The following LARGE1 variants were observed in gnomAD, a reference collection of about 807,000 sequenced individuals.
LARGE1 encodes the protein xylosyl- and glucuronyltransferase LARGE1.
LARGE1 carries 43 observed loss-of-function variants against 87.6 expected under a neutral mutation model. That is an observed-to-expected ratio of 0.49 (90% CI 0.38 to 0.63). The LOEUF (loss-of-function observed/expected upper bound fraction) is 0.63, where lower values mean the gene tolerates loss of function less well. Among genes scored for constraint, LARGE1 ranks in the 30% least tolerant of loss-of-function variants. The probability of loss-of-function intolerance (pLI) is 0.00; values close to 1 mark genes in which losing one functional copy is unlikely to be tolerated. For missense variants in LARGE1, 802 were observed against 1,000.2 expected, an observed-to-expected ratio of 0.80 and a Z score of 2.67; for synonymous variants, 434 against 394.6, an observed-to-expected ratio of 1.10 and a Z score of -1.18.
intron 1 of LARGE1, among the ~76,000 whole-genome samples, chr22:33,896,480 C>G (rs1419162982): frequency 6.6e-6 from 1 of 152,228 alleles, no homozygotes; most frequent in African/African-American, 2.4e-5. Flanking sequence ...GTACCAGGGG[C>G]ACATTTGAGG....
intron 6 of LARGE1, among the ~76,000 whole-genome samples, chr22:33,555,419 G>C (rs1361911150): frequency 1.3e-5 from 2 of 152,052 alleles, no homozygotes; most frequent in African/African-American, 4.8e-5. Context: ...AAAAAAATAT[G>C]AAAGAGCAGT....
chr22:33,666,456 G>A (rs148418432), intron 2 of LARGE1, among the ~76,000 whole-genome samples: 4 of 152,304 alleles, frequency 2.6e-5, no homozygotes, highest in South Asian at 2.1e-4. Flanking sequence ...GAGAGCTACC[G>A]CAGAGAGTGC....
chr22:33,176,866 A>T (rs2146152542), intron 11 of LARGE1, among the ~76,000 whole-genome samples: 1 of 152,328 alleles, frequency 6.6e-6, no homozygotes. Context: ...ATGTATGTTT[A>T]TTGTGGCACT....
intron 2 of LARGE1, among the ~76,000 whole-genome samples, chr22:33,706,082 AAAG>A (rs1348740324): frequency 1.3e-5 from 2 of 152,176 alleles, no homozygotes; most frequent in African/African-American, 2.4e-5. Flanking sequence ...GGGCGACAAG[AAAG>A]AAGGTTTCTA....
intron 13 of LARGE1, among the ~76,000 whole-genome samples, chr22:33,281,241 T>C (rs1024189070): frequency 6.6e-6 from 1 of 152,036 alleles, no homozygotes; most frequent in African/African-American, 2.4e-5. Flanking sequence ...CGGTTCACTG[T>C]GGTATGAAGA....
At chr22:33,093,466 G>T in the LARGE1 span, among the ~76,000 whole-genome samples, 1 of 152,196 alleles carries the variant, frequency 6.6e-6, no homozygotes, top group Non-Finnish European at 1.5e-5. Flanking sequence ...GAGGGAGAAT[G>T]TAGGTAATTT....
chr22:33,657,312 T>G (rs2080992503), intron 2 of LARGE1: 1 of 152,236 alleles, frequency 6.6e-6, no homozygotes, highest in African/African-American at 2.4e-5. Context: ...AATCTGTCAC[T>G]AAAGCCTGCC....
intron 6 of LARGE1, among the ~76,000 whole-genome samples, chr22:33,526,948 C>A (rs567802702): frequency 6.6e-6 from 1 of 152,172 alleles, no homozygotes; most frequent in African/African-American, 2.4e-5. Flanking sequence ...TGCGTTACCA[C>A]GGGAGTTGCT....
intron 6 of LARGE1, among the ~76,000 whole-genome samples, chr22:33,528,260 C>T (rs1314193380): frequency 2.0e-5 from 3 of 152,076 alleles, no homozygotes; most frequent in African/African-American, 7.2e-5. Context: ...AGGGTCGCAG[C>T]CTGCATGGTG....
intron 6 of LARGE1, among the ~76,000 whole-genome samples, chr22:33,481,494 T>C (rs1459284019): frequency 6.6e-6 from 1 of 152,148 alleles, no homozygotes; most frequent in Non-Finnish European, 1.5e-5. Flanking sequence ...TCTAGAATAG[T>C]TTGTTTCAAA....
chr22:33,557,913 G>C (rs984413752), intron 6 of LARGE1, among the ~76,000 whole-genome samples: 1 of 152,070 alleles, frequency 6.6e-6, no homozygotes, highest in African/African-American at 2.4e-5. Flanking sequence ...GAAATGCCCA[G>C]GACTTTTAAC....
intron 6 of LARGE1, among the ~76,000 whole-genome samples, chr22:33,445,647 CTTTT>C (rs201398589): frequency 1.5e-5 from 2 of 135,888 alleles, no homozygotes; most frequent in African/African-American, 2.7e-5. Flanking sequence ...AAGGGGGCCA[CTTTT>C]TTTTTTTTTT....
chr22:33,475,114 G>A (rs1486386159), intron 6 of LARGE1, among the ~76,000 whole-genome samples: 1 of 152,140 alleles, frequency 6.6e-6, no homozygotes, highest in Non-Finnish European at 1.5e-5. Context: ...CTGGAACAGA[G>A]TCTTTGTGTT....
At chr22:33,670,053 T>G (rs970344670) in intron 2 of LARGE1, among the ~76,000 whole-genome samples, 1 of 152,200 alleles carries the variant, frequency 6.6e-6, no homozygotes, top group African/African-American at 2.4e-5. Context: ...ACAAAAACTC[T>G]TCTCCTACAA....
intron 10 of LARGE1, among the ~76,000 whole-genome samples, chr22:33,337,237 C>T (rs1192397751): frequency 6.6e-6 from 1 of 152,132 alleles, no homozygotes; most frequent in Non-Finnish European, 1.5e-5. Context: ...GAGCCAGTTA[C>T]TTGTGAAAAG....
intron 5 of LARGE1, among the ~76,000 whole-genome samples, chr22:33,590,288 A>G (rs2078798171): frequency 6.6e-6 from 1 of 152,182 alleles, no homozygotes; most frequent in African/African-American, 2.4e-5. Flanking sequence ...ACACACTCAC[A>G]CCATATTGCT....
At chr22:33,264,323 C>T (rs1262307615) in intron 11 of LARGE1, among the ~76,000 whole-genome samples, 2 of 152,186 alleles carry the variant, frequency 1.3e-5, no homozygotes, top group Non-Finnish European at 2.9e-5. Flanking sequence ...AGAAATCAGG[C>T]CTAAATCAAA....
intron 5 of LARGE1, among the ~76,000 whole-genome samples, chr22:33,578,622 T>C (rs1358159216): frequency 6.6e-6 from 1 of 152,238 alleles, no homozygotes; most frequent in Non-Finnish European, 1.5e-5. Flanking sequence ...CTGTGTGTGA[T>C]GTAGACATCA....
chr22:33,381,104 T>C (rs2065140842), intron 9 of LARGE1, among the ~76,000 whole-genome samples: 1 of 152,176 alleles, frequency 6.6e-6, no homozygotes, highest in Admixed American at 6.5e-5. Context: ...GAAAACACCA[T>C]ACTGGCTTGC....
Sources: allele counts gnomAD v4.1 joint callset (sites outside exome capture counted in the v4.1 genomes callset), GRCh38; gene constraint gnomAD v4.1.1; transcripts MANE v1.5; gene names NCBI Gene and HGNC (gene_info 2026-07-23, HGNC 2026-07-21).